MARCHF1: variants seen among roughly 807,000 people sequenced by gnomAD.
The protein encoded by MARCHF1 is E3 ubiquitin-protein ligase MARCHF1.
Under a neutral mutation model 54.2 loss-of-function variants are expected in MARCHF1, and 40 were observed. The observed-to-expected ratio is 0.74, with a 90% CI of 0.57 to 0.96. The LOEUF (loss-of-function observed/expected upper bound fraction) is 0.96. Among genes scored for constraint, MARCHF1 ranks in the 40% least tolerant of loss-of-function variants. The pLI is 0.00. For missense variants in MARCHF1, 586 were observed against 656.5 expected (o/e 0.89, Z 1.17); for synonymous variants, 236 against 236.3 (o/e 1.00, Z 0.01).
intron 4 of MARCHF1, among the ~76,000 whole-genome samples, chr4:163,786,606 G>A (rs1038102086): frequency 2.0e-5 from 3 of 151,816 alleles, no homozygotes; most frequent in African/African-American, 4.8e-5. Flanking sequence ...AATATTCCTG[G>A]AAAATTAAAT....
intron 4 of MARCHF1, among the ~76,000 whole-genome samples, chr4:163,762,114 A>G (rs1036489387): frequency 7.2e-5 from 11 of 152,316 alleles, no homozygotes; most frequent in Non-Finnish European, 1.2e-4. Flanking sequence ...GACTCTCTGT[A>G]TAATCCCAGG....
At chr4:163,832,556 T>A (rs1749056401) in intron 4 of MARCHF1, among the ~76,000 whole-genome samples, 2 of 149,888 alleles carry the variant, frequency 1.3e-5, no homozygotes, top group African/African-American at 4.9e-5. Context: ...TTAGTTTCTT[T>A]CATCTAGCTC....
intron 1 of MARCHF1, among the ~76,000 whole-genome samples, chr4:164,214,098 G>T (rs1436244837): frequency 6.6e-6 from 1 of 151,688 alleles, no homozygotes; most frequent in Non-Finnish European, 1.5e-5. Flanking sequence ...AAACGTCCAT[G>T]TAAATATATA....
At chr4:163,602,984 GA>G in intron 7 of MARCHF1, among the ~76,000 whole-genome samples, 1 of 152,094 alleles carries the variant, frequency 6.6e-6, no homozygotes. Context: ...TAGAGACTCT[GA>G]AAAGAATGAG....
chr4:163,834,609 C>T (rs943477730), intron 4 of MARCHF1, among the ~76,000 whole-genome samples: 8 of 124,104 alleles, frequency 6.4e-5, no homozygotes, highest in African/African-American at 2.1e-4. Context: ...CCCCTCCCCC[C>T]ACCCCACAAC....
intron 3 of MARCHF1, among the ~76,000 whole-genome samples, chr4:163,854,727 A>ACCAGT (rs1220276823): frequency 6.6e-6 from 1 of 152,204 alleles, no homozygotes; most frequent in Non-Finnish European, 1.5e-5. Flanking sequence ...GACATCTATC[A>ACCAGT]CCAGTACAAT....
intron 4 of MARCHF1, among the ~76,000 whole-genome samples, chr4:163,818,291 C>A (rs1186885105): frequency 6.6e-6 from 1 of 151,348 alleles, no homozygotes; most frequent in East Asian, 1.9e-4. Flanking sequence ...CCGGGTATAC[C>A]TACAGGATGT....
rs55934567 is a variant in MARCHF1 at position 163,973,136 on chromosome 4, A to G, written c.-39+15365T>C. On this transcript the variant is annotated intron_variant, in intron 3 of 9. Transcript: ENST00000514618. ...CCAGCTGTACAAATTTACCAAGTATAAAGTCACACTCTATAACAGAGGACA... is the reference window on the plus strand; with the variant it reads ...CCAGCTGTACAAATTTACCAAGTATGAAGTCACACTCTATAACAGAGGACA... Among the ~76,000 whole-genome samples, 364 of 152,378 alleles carry G rather than the reference A, an allele frequency of 2.4e-3. 1 individual carries two copies. Among genetic ancestry groups the G allele is most frequent in the Middle Eastern group, 0.024 (7 of 294 alleles).
In MARCHF1 at chr4:163,872,904, C is replaced by A. The variant is rs1043608714; in HGVS notation, c.-38-18735G>T. On this transcript the variant is annotated intron_variant, in intron 3 of 9. Transcript: ENST00000514618. Reference sequence around the variant, plus strand: ...CTAAAAATACAAAAAATTAGCCGGGCGTGGTGGCGGGCGCCTGTAGTCCCA... The same window carrying A: ...CTAAAAATACAAAAAATTAGCCGGGAGTGGTGGCGGGCGCCTGTAGTCCCA... Among the ~76,000 whole-genome samples, 77 of 151,932 alleles carry A rather than the reference C, an allele frequency of 5.1e-4. 1 individual carries two copies. Among genetic ancestry groups the A allele is most frequent in the Non-Finnish European group, 1.8e-4 (12 of 67,926 alleles).
rs28688413 is a variant in MARCHF1 at position 164,346,634 on chromosome 4, A to G, written c.-323+37236T>C. On this transcript the variant is annotated intron_variant, in intron 1 of 9. Coordinates refer to ENST00000514618, the MANE Select transcript of MARCHF1 (RefSeq NM_001394959.1). Reference sequence around the variant, plus strand: ...TATATATATATATATATATATATATATATATATATATATATATATATATAT... The same window carrying G: ...TATATATATATATATATATATATATGTATATATATATATATATATATATAT... Among the ~76,000 whole-genome samples the G allele has an allele frequency of 2.9e-3, 67 of 23,222 alleles. 1 individual carries two copies. The highest frequency in any genetic ancestry group is 0.016 in the South Asian group (20 of 1,248). 15.2% of individuals were successfully genotyped at this position (23,222 alleles called of 152,430 possible).
intron 4 of MARCHF1, among the ~76,000 whole-genome samples, chr4:163,706,785 T>C (rs1744962815): frequency 6.6e-6 from 1 of 151,960 alleles, no homozygotes; most frequent in African/African-American, 2.4e-5. Context: ...TTAAAGAACT[T>C]ATAAATAAAA....
intron 9 of MARCHF1, among the ~76,000 whole-genome samples, chr4:163,534,134 T>C (rs529099181): frequency 6.3e-4 from 96 of 152,162 alleles, no homozygotes; most frequent in Non-Finnish European, 1.2e-3. Context: ...TACAATAAAC[T>C]TCTACTAATC....
intron 4 of MARCHF1, among the ~76,000 whole-genome samples, chr4:163,818,736 T>C: frequency 6.6e-6 from 1 of 152,138 alleles, no homozygotes; most frequent in East Asian, 1.9e-4. Flanking sequence ...AATTGACCTC[T>C]CGTTTGTCTC....
intron 1 of MARCHF1, among the ~76,000 whole-genome samples, chr4:164,360,387 A>G (rs1374849828): frequency 1.3e-5 from 2 of 152,118 alleles, no homozygotes; most frequent in Non-Finnish European, 2.9e-5. Context: ...CTATTTGTAG[A>G]TTCTTATGTC....
intron 1 of MARCHF1, among the ~76,000 whole-genome samples, chr4:164,118,334 T>C (rs1285585952): frequency 6.6e-6 from 1 of 151,038 alleles, no homozygotes; most frequent in Non-Finnish European, 1.5e-5. Context: ...AAAGAAATTA[T>C]TAACAAAAAA....
At chr4:163,784,590 TG>T (rs560422688) in intron 4 of MARCHF1, among the ~76,000 whole-genome samples, 199 of 152,248 alleles carry the variant, frequency 1.3e-3, no homozygotes, top group African/African-American at 4.7e-3. Context: ...GCAGTAGATC[TG>T]TTTCTACCTA....
Position 164,211,107 on chromosome 4 carries a change from C to T in MARCHF1, c.-322-99445G>A, listed in dbSNP as rs555798312. On this transcript the variant is annotated intron_variant, in intron 1 of 9. Transcript: ENST00000514618. ...GTTGGTCAAAGGGTACAAAGTTCCT[C>T]TTAGACAAGAGAGAAAGTTTTAGTG... 1.7e-4 allele frequency among the ~76,000 whole-genome samples: 26 copies of T among 151,930 alleles called. No homozygotes were observed. The South Asian group carries it at 5.0e-3, about 29-fold the overall frequency.
At chr4:164,147,308 C>T (rs1729778523) in intron 1 of MARCHF1, among the ~76,000 whole-genome samples, 2 of 148,518 alleles carry the variant, frequency 1.3e-5, no homozygotes, top group African/African-American at 2.5e-5. Context: ...TTTGACCCAG[C>T]CATCCCATTA....
intron 3 of MARCHF1, among the ~76,000 whole-genome samples, chr4:163,875,611 T>C (rs1750271116): frequency 6.6e-6 from 1 of 152,152 alleles, no homozygotes; most frequent in Admixed American, 6.5e-5. Context: ...AAGGTTGGAA[T>C]CTTTATTATT....
Sources: gnomAD v4.1 joint callset for allele counts (sites outside exome capture counted in the v4.1 genomes callset) on GRCh38, gnomAD v4.1.1 for gene constraint, MANE v1.5 for transcripts, NCBI Gene and HGNC (gene_info 2026-07-23, HGNC 2026-07-21) for gene names.